NKAIN2: variants seen among roughly 807,000 people sequenced by gnomAD.
NKAIN2 encodes the protein sodium/potassium transporting ATPase interacting 2, also known as sodium/potassium-transporting ATPase subunit beta-1-interacting protein 2.
NKAIN2 carries 14 observed loss-of-function variants against 32.6 expected under a neutral mutation model. The ratio of observed to expected loss-of-function variants is 0.43; its 90% CI spans 0.28 to 0.67. NKAIN2 has a LOEUF of 0.67. NKAIN2 is among the 30% of genes least tolerant of loss of function. The probability of loss-of-function intolerance (pLI) is 0.17; values close to 1 mark genes in which losing one functional copy is unlikely to be tolerated. For missense variants in NKAIN2, 198 were observed against 258.3 expected, an observed-to-expected ratio of 0.77 and a Z score of 1.60; for synonymous variants, 80 against 87.2, an observed-to-expected ratio of 0.92 and a Z score of 0.46.
intron 3 of NKAIN2, among the ~76,000 whole-genome samples, chr6:124,423,868 A>G (rs1016769940): frequency 2.0e-5 from 3 of 152,242 alleles, no homozygotes; most frequent in Non-Finnish European, 4.4e-5. Flanking sequence ...CCTAGCCTTT[A>G]AAACTGTGAC....
At chr6:123,883,752 A>C (rs1423130910) in intron 1 of NKAIN2, among the ~76,000 whole-genome samples, 2 of 150,902 alleles carry the variant, frequency 1.3e-5, no homozygotes. Flanking sequence ...TTTTTTAAAA[A>C]AAATTGGTGT....
chr6:124,633,986 C>T (rs779929102), intron 3 of NKAIN2, among the ~76,000 whole-genome samples: 12 of 152,114 alleles, frequency 7.9e-5, no homozygotes, highest in Non-Finnish European at 1.3e-4. Context: ...TCAAACACCA[C>T]TAACATTGAT....
chr6:124,570,963 G>A (rs960247805), intron 3 of NKAIN2, among the ~76,000 whole-genome samples: 1 of 152,192 alleles, frequency 6.6e-6, no homozygotes, highest in East Asian at 1.9e-4. Context: ...AGCTGCCCAA[G>A]ACCATGGAAA....
At chr6:124,712,076 C>G (rs1026536848) in intron 4 of NKAIN2, among the ~76,000 whole-genome samples, 3 of 151,348 alleles carry the variant, frequency 2.0e-5, no homozygotes, top group Non-Finnish European at 4.4e-5. Flanking sequence ...AATACCCTGC[C>G]GTGTGAGGTG....
intron 1 of NKAIN2, among the ~76,000 whole-genome samples, chr6:123,913,417 TCTC>T (rs1424632048): frequency 1.3e-5 from 2 of 152,164 alleles, no homozygotes; most frequent in African/African-American, 2.4e-5. Context: ...ATGACCATCT[TCTC>T]CTTATCATGC....
intron 1 of NKAIN2, among the ~76,000 whole-genome samples, chr6:124,222,656 C>A (rs1312582095): frequency 6.6e-6 from 1 of 152,054 alleles, no homozygotes; most frequent in East Asian, 1.9e-4. Context: ...TGGTCACTCC[C>A]AAGTTGATAA....
intron 3 of NKAIN2, among the ~76,000 whole-genome samples, chr6:124,646,395 A>T (rs1000873201): frequency 6.6e-6 from 1 of 152,176 alleles, no homozygotes; most frequent in African/African-American, 2.4e-5. Context: ...GGGAAAGAAA[A>T]GATAAGAAGG....
chr6:124,053,278 G>A (rs891218737), intron 1 of NKAIN2, among the ~76,000 whole-genome samples: 4 of 151,788 alleles, frequency 2.6e-5, no homozygotes, highest in African/African-American at 7.3e-5. Flanking sequence ...CAATGTGTGC[G>A]ACAATACAAT....
At chr6:124,150,113 C>G (rs1007785958) in intron 1 of NKAIN2, among the ~76,000 whole-genome samples, 2 of 152,090 alleles carry the variant, frequency 1.3e-5, no homozygotes, top group African/African-American at 4.8e-5. Context: ...CAGCTATTCT[C>G]CCCCCTGGGC....
intron 1 of NKAIN2, among the ~76,000 whole-genome samples, chr6:123,938,962 G>T (rs988607043): frequency 3.3e-5 from 5 of 151,892 alleles, no homozygotes; most frequent in African/African-American, 1.2e-4. Flanking sequence ...AAATTTTGGT[G>T]ACTAAGATAA....
intron 1 of NKAIN2, among the ~76,000 whole-genome samples, chr6:123,916,118 G>C (rs1243591714): frequency 6.6e-6 from 1 of 152,116 alleles, no homozygotes; most frequent in Non-Finnish European, 1.5e-5. Context: ...AAAAGATAAG[G>C]ATGTAGAGAG....
chr6:124,310,237 C>T (rs759552664), intron 2 of NKAIN2, among the ~76,000 whole-genome samples: 3 of 152,046 alleles, frequency 2.0e-5, no homozygotes, highest in Non-Finnish European at 4.4e-5. Flanking sequence ...TATGTTAGTA[C>T]TTTCATTTAT....
At chr6:124,787,441 G>T (rs576714855) in intron 4 of NKAIN2, among the ~76,000 whole-genome samples, 37 of 152,150 alleles carry the variant, frequency 2.4e-4, no homozygotes, top group African/African-American at 8.9e-4. Context: ...TGCAAAAAAA[G>T]AATGAGTTAG....
intron 3 of NKAIN2, among the ~76,000 whole-genome samples, chr6:124,475,251 T>C (rs990330006): frequency 1.1e-4 from 17 of 152,294 alleles, no homozygotes; most frequent in African/African-American, 3.6e-4. Context: ...TTATCTTTTC[T>C]TCTCTCATTA....
chr6:123,856,570 A>G (rs1444238475), intron 1 of NKAIN2, among the ~76,000 whole-genome samples: 1 of 152,274 alleles, frequency 6.6e-6, no homozygotes, highest in South Asian at 2.1e-4. Flanking sequence ...GCCAATAAAC[A>G]GAATCTTGCC....
chr6:124,635,739 A>T (rs1467680040), intron 3 of NKAIN2, among the ~76,000 whole-genome samples: 1 of 152,114 alleles, frequency 6.6e-6, no homozygotes, highest in East Asian at 1.9e-4. Flanking sequence ...GCAAAAGGAC[A>T]TATCAATTAT....
chr6:123,924,068 G>T (rs1159602984), intron 1 of NKAIN2, among the ~76,000 whole-genome samples: 1 of 151,990 alleles, frequency 6.6e-6, no homozygotes, highest in Non-Finnish European at 1.5e-5. Flanking sequence ...AAATATAGAA[G>T]TACCTAATAT....
At chr6:123,826,593 A>G (rs1562203328) in intron 1 of NKAIN2, among the ~76,000 whole-genome samples, 1 of 152,144 alleles carries the variant, frequency 6.6e-6, no homozygotes. Context: ...AATATCTCAT[A>G]TAAGTAGAAT....
At chr6:123,858,423 T>C (rs982767511) in intron 1 of NKAIN2, among the ~76,000 whole-genome samples, 1 of 152,176 alleles carries the variant, frequency 6.6e-6, no homozygotes, top group Non-Finnish European at 1.5e-5. Context: ...TCCTCTAACA[T>C]TGTCTTTTTA....
Sources: allele counts gnomAD v4.1 joint callset (sites outside exome capture counted in the v4.1 genomes callset), GRCh38; gene constraint gnomAD v4.1.1; transcripts MANE v1.5; gene names NCBI Gene and HGNC (gene_info 2026-07-23, HGNC 2026-07-21).